Variants in GRIK3 observed in about 807,000 individuals in gnomAD.
GRIK3 encodes glutamate ionotropic receptor kainate type subunit 3, also known as glutamate receptor ionotropic, kainate 3.
Under a neutral mutation model 102.5 loss-of-function variants are expected in GRIK3, and 29 were observed. That is an observed-to-expected ratio of 0.28 (90% CI 0.21 to 0.39). The LOEUF is 0.39. Ranked by LOEUF, GRIK3 falls within the 10% of genes least tolerant of loss-of-function variation. The pLI, the probability that GRIK3 is intolerant of heterozygous loss-of-function variation, is 1.00. For missense variants in GRIK3, 908 were observed against 1,252.4 expected (o/e 0.73, Z 4.15); for synonymous variants, 511 against 504.9 (o/e 1.01, Z -0.16).
In GRIK3 at chr1:36,880,064, TG is replaced by T. The variant is rs559436751; in HGVS notation, c.550+569del. 9.0e-4 allele frequency among the ~76,000 whole-genome samples: 137 copies of T among 152,306 alleles called. 2 individuals are homozygous for T. The highest frequency in any genetic ancestry group is 3.3e-3 in the African/African-American group (137 of 41,554). On this transcript the variant is annotated intron_variant, in intron 3 of 15. Coordinates refer to ENST00000373091, the MANE Select transcript of GRIK3 (RefSeq NM_000831.4). This position sits in a 1 kb window ranked among gnomAD's most constrained non-coding sequence, Gnocchi z 5.4. ...GAACCAACCTTCAGCGCTCACTGCATGTCAGTGCTTGTCACTGTCATCTTGT... is the reference window on the plus strand; with the variant it reads ...GAACCAACCTTCAGCGCTCACTGCATTCAGTGCTTGTCACTGTCATCTTGT...
chr1:36,997,800 G>T (rs1370916640), intron 1 of GRIK3, among the ~76,000 whole-genome samples: 2 of 152,166 alleles, frequency 1.3e-5, no homozygotes, highest in Non-Finnish European at 2.9e-5. Context: ...CCACATCCTG[G>T]AAAGGACCAA....
chr1:36,929,725 T>C (rs890695076), intron 1 of GRIK3, among the ~76,000 whole-genome samples: 8 of 152,250 alleles, frequency 5.3e-5, no homozygotes, highest in Admixed American at 2.6e-4. Context: ...TAGCTATTTA[T>C]TGTTGTGTAA....
chr1:36,898,973 G>T (rs528855751), intron 1 of GRIK3, among the ~76,000 whole-genome samples: 1 of 152,192 alleles, frequency 6.6e-6, no homozygotes, highest in East Asian at 1.9e-4. Flanking sequence ...ATAACTGAAT[G>T]TCCACATGTA....
chr1:36,977,372 C>A (rs115562719), intron 1 of GRIK3, among the ~76,000 whole-genome samples: 3,261 of 152,204 alleles, frequency 0.021, 126 homozygotes, highest in African/African-American at 0.075. Flanking sequence ...ATAAAAGAAA[C>A]CCAGAGCTGG....
chr1:36,830,756 A>G (rs1273652367), intron 10 of GRIK3, among the ~76,000 whole-genome samples: 1 of 143,136 alleles, frequency 7.0e-6, no homozygotes, highest in African/African-American at 2.5e-5. Flanking sequence ...GATTGCAGTG[A>G]GCCGAGATCA....
chr1:37,016,456 C>T (rs1219750836), intron 1 of GRIK3, among the ~76,000 whole-genome samples: 3 of 152,180 alleles, frequency 2.0e-5, no homozygotes, highest in Non-Finnish European at 4.4e-5. Flanking sequence ...AAGATCCCTC[C>T]CTCTGAGTTG....
At chr1:36,842,805 T>C (rs1220567944) in intron 9 of GRIK3, among the ~76,000 whole-genome samples, 1 of 152,148 alleles carries the variant, frequency 6.6e-6, no homozygotes, top group East Asian at 1.9e-4. Context: ...GTGAAGTTCA[T>C]GAGGATATGT....
chr1:36,909,239 C>T (rs1417883283), intron 1 of GRIK3, among the ~76,000 whole-genome samples: 2 of 151,632 alleles, frequency 1.3e-5, no homozygotes, highest in African/African-American at 2.4e-5. Context: ...AGCCTGAAAT[C>T]GGCCATAGTG....
chr1:36,983,125 G>A (rs1400233107), intron 1 of GRIK3, among the ~76,000 whole-genome samples: 1 of 152,128 alleles, frequency 6.6e-6, no homozygotes, highest in Non-Finnish European at 1.5e-5. Flanking sequence ...AGCTACGCAT[G>A]TGCACACCCG....
rs867164067 is a variant in GRIK3 at position 36,891,107 on chromosome 1, T to C, written c.116-11A>G. On this transcript the variant is annotated splice_polypyrimidine_tract_variant and intron_variant, in intron 1 of 15. Transcript: ENST00000373091. ...ACTCGAAGATTCCTCCTGTGAAAGA[T>C]GAGTAAAATTGTGTGTGGTTGGGAG... The C allele has an allele frequency of 3.7e-6, 6 of 1,602,900 alleles. No individual in the cohort carries two copies. The highest frequency in any genetic ancestry group is 3.3e-4 in the Middle Eastern group (2 of 6,036).
chr1:37,017,958 C>T (rs1031681870), intron 1 of GRIK3, among the ~76,000 whole-genome samples: 1 of 152,142 alleles, frequency 6.6e-6, no homozygotes, highest in Admixed American at 6.6e-5. Flanking sequence ...CATGCTGATG[C>T]TGCCATTTTT....
chr1:36,879,878 T>C (rs1640947322), intron 3 of GRIK3, among the ~76,000 whole-genome samples: 1 of 152,212 alleles, frequency 6.6e-6, no homozygotes, highest in South Asian at 2.1e-4. Context: ...AGCCTGGTGC[T>C]GACGTCTGCA....
intron 1 of GRIK3, among the ~76,000 whole-genome samples, chr1:36,919,545 G>A (rs1641443920): frequency 6.6e-6 from 1 of 152,102 alleles, no homozygotes; most frequent in African/African-American, 2.4e-5. Context: ...GAGCCTGCTG[G>A]TTTTGGCGAA....
At chr1:36,914,093 G>A (rs1261869225) in intron 1 of GRIK3, among the ~76,000 whole-genome samples, 1 of 152,330 alleles carries the variant, frequency 6.6e-6, no homozygotes, top group South Asian at 2.1e-4. Flanking sequence ...CGGTGCCGGG[G>A]CAGGTGTGGG....
Position 36,806,610 on chromosome 1 carries a change from T to C in GRIK3, c.2092-284A>G, listed in dbSNP as rs930689168. Among the ~76,000 whole-genome samples, 13 of 152,288 alleles carry C rather than the reference T, an allele frequency of 8.5e-5. No individual in the cohort carries two copies. Among genetic ancestry groups the C allele is most frequent in the Admixed American group, 2.6e-4 (4 of 15,294 alleles). On this transcript the variant is annotated intron_variant, in intron 13 of 15. Coordinates refer to ENST00000373091, the MANE Select transcript of GRIK3 (RefSeq NM_000831.4). The surrounding 1 kb of genome is among the most constrained non-coding windows in gnomAD (Gnocchi z 4.0). ...TTCAAGCTGACTTTTTAAACATGGA[T>C]TTTCTTTCTCTAAAATTTATTAAAA...
intron 1 of GRIK3, among the ~76,000 whole-genome samples, chr1:36,983,214 T>C (rs775045942): frequency 6.6e-6 from 1 of 152,056 alleles, no homozygotes; most frequent in Non-Finnish European, 1.5e-5. Flanking sequence ...TGGGGCATGG[T>C]GCACACACAA....
chr1:36,816,131 C>T (rs189342415), intron 13 of GRIK3, among the ~76,000 whole-genome samples: 59 of 152,262 alleles, frequency 3.9e-4, no homozygotes, highest in Admixed American at 8.5e-4. Flanking sequence ...ACAGGGCCCT[C>T]GAGGAAGGTA....
chr1:37,029,604 A>G (rs906695165), intron 1 of GRIK3, among the ~76,000 whole-genome samples: 2 of 152,182 alleles, frequency 1.3e-5, no homozygotes, highest in Admixed American at 1.3e-4. Context: ...TCTGTCCTAC[A>G]TATGGCCTTA....
At chr1:36,958,339 G>A (rs1240301860) in intron 1 of GRIK3, among the ~76,000 whole-genome samples, 1 of 86,196 alleles carries the variant, frequency 1.2e-5, no homozygotes, top group Non-Finnish European at 2.1e-5. Flanking sequence ...CCATGAGCCT[G>A]TGTGCTCTTT....
Sources: gnomAD v4.1 joint callset for allele counts (sites outside exome capture counted in the v4.1 genomes callset) on GRCh38, gnomAD v4.1.1 for gene constraint, Gnocchi (gnomAD v3.1) non-coding constraint, MANE v1.5 for transcripts, NCBI Gene and HGNC (gene_info 2026-07-23, HGNC 2026-07-21) for gene names.